EIF2D: variants seen among roughly 807,000 people sequenced by gnomAD.
EIF2D encodes eukaryotic translation initiation factor 2D.
Under a neutral mutation model 77.4 loss-of-function variants are expected in EIF2D, and 56 were observed. The ratio of observed to expected loss-of-function variants is 0.72; its 90% CI spans 0.58 to 0.90. The LOEUF (loss-of-function observed/expected upper bound fraction) is 0.90. Ranked by LOEUF, EIF2D falls within the 40% of genes least tolerant of loss-of-function variation. EIF2D has a pLI of 0.00. For missense variants in EIF2D, 574 were observed against 706.5 expected, an observed-to-expected ratio of 0.81 and a Z score of 2.13; for synonymous variants, 230 against 271.0, an observed-to-expected ratio of 0.85 and a Z score of 1.49.
chr1:206,597,925 ACAAGAG>A (rs2102283549), intron 11 of EIF2D, among the ~76,000 whole-genome samples: 1 of 152,346 alleles, frequency 6.6e-6, no homozygotes, highest in African/African-American at 2.4e-5. Context: ...AGCCTGGGCA[ACAAGAG>A]CAAAACTCTG....
intron 4 of EIF2D, 132 bp from the exon 5 acceptor site, chr1:206,605,639 A>C (rs909448401): frequency 8.5e-5 from 56 of 658,840 alleles, no homozygotes; most frequent in Non-Finnish European, 1.4e-4. Flanking sequence ...ATAAAACCAA[A>C]CTCAGTCCAC....
In EIF2D at chr1:206,593,780, C is replaced by T. The variant is rs782819581; in HGVS notation, c.1523G>A (p.Arg508Gln). The change falls in exon 14 of 15, where the codon CGG becomes CAG. Residue 508 changes from arginine (R) to glutamine (Q), a missense_variant. Coordinates refer to ENST00000271764, the MANE Select transcript of EIF2D (RefSeq NM_006893.3). Reference protein sequence around the residue: ...RASNKKVTVVRNLEAYGLDPY... With the variant: ...RASNKKVTVVQNLEAYGLDPY... ...GTCCAGACCATAGGCCTCCAAGTTCCGGACCACGGTCACCTGGGGGGACAG... is the reference window on the plus strand; with the variant it reads ...GTCCAGACCATAGGCCTCCAAGTTCTGGACCACGGTCACCTGGGGGGACAG... 2.1e-5 allele frequency: 34 copies of T among 1,600,220 alleles called. No individual in the cohort carries two copies. The highest frequency in any genetic ancestry group is 1.8e-4 in the Middle Eastern group (1 of 5,504).
intron 2 of EIF2D, chr1:206,585,349 C>A: frequency 7.4e-7 from 1 of 1,351,868 alleles, no homozygotes; most frequent in Non-Finnish European, 1.1e-6. Context: ...TGGGTGGGTG[C>A]AGGTGGGTGT....
At chr1:206,575,339 CAG>C (rs142954152) in intron 4 of EIF2D, among the ~76,000 whole-genome samples, 2,212 of 152,262 alleles carry the variant, frequency 0.015, 54 homozygotes, top group African/African-American at 0.051. Flanking sequence ...TTGCTGCTGA[CAG>C]ATTTGCTAAG....
Position 206,605,354 on chromosome 1 carries a change from C to T in EIF2D, c.530+46G>A, listed in dbSNP as rs782494900. 9 of 1,526,000 alleles carry T rather than the reference C, an allele frequency of 5.9e-6. No homozygotes were observed. In the African/African-American group the frequency reaches 1.2e-4, roughly 21 times the overall value. 94.5% of individuals were successfully genotyped at this position (1,526,000 alleles called of 1,614,324 possible). A position where few individuals can be genotyped will look rare whatever the true frequency, so the allele number is the denominator to read the frequency against. On this transcript the variant is annotated intron_variant, in intron 5 of 14. Coordinates refer to ENST00000271764, the MANE Select transcript of EIF2D (RefSeq NM_006893.3). ...CTGAATCACAGGCCCCATCCTCTCC[C>T]CAGCTGCCCCGGTTCTCTGTAAAAC...
Position 206,578,232 on chromosome 1 carries a change from AAGTGTGTGT to A in EIF2D, c.*254+2451_*254+2459del, listed in dbSNP as rs1310732607. Among the ~76,000 whole-genome samples, 95 of 130,516 alleles carry A rather than the reference AAGTGTGTGT, an allele frequency of 7.3e-4. 2 individuals are homozygous for A. In the East Asian group the frequency reaches 0.018, roughly 25 times the overall value. 85.6% of individuals were successfully genotyped at this position (130,516 alleles called of 152,430 possible). ...CAGAGGGAGACATCTCAAAAAAAAA[AAGTGTGTGT>A]GTGTGTGTGTGTGTGTGTGTGTAAG... On this transcript the variant is annotated intron_variant and NMD_transcript_variant, in intron 4 of 5. Transcript: ENST00000472709.
Position 206,599,377 on chromosome 1 carries a change from G to T in EIF2D, c.1202+86C>A. 3.3e-6 allele frequency: 5 copies of T among 1,526,922 alleles called. No individual in the cohort carries two copies. In the African/African-American group the frequency reaches 5.5e-5, roughly 17 times the overall value. The allele number at this position is 1,526,922 out of a possible 1,614,324, so 94.6% of individuals were successfully genotyped here. A position where few individuals can be genotyped will look rare whatever the true frequency, so the allele number is the denominator to read the frequency against. ...AACAGGGGCAGAGCAGGTTTTGCCAGTCGCAAAAGAGCACTACTCAGGTTG... is the reference window on the plus strand; with the variant it reads ...AACAGGGGCAGAGCAGGTTTTGCCATTCGCAAAAGAGCACTACTCAGGTTG... On this transcript the variant is annotated intron_variant, in intron 10 of 14. Transcript: ENST00000271764. This position sits in a 1 kb window ranked among gnomAD's most constrained non-coding sequence, Gnocchi z 4.1.
chr1:206,587,961 C>G (rs1358474907), downstream of EIF2D: 2 of 152,996 alleles, frequency 1.3e-5, no homozygotes, highest in Non-Finnish European at 2.9e-5. Context: ...CCTCCCTCCT[C>G]CCACTGCGAC....
chr1:206,581,924 G>A (rs1363800417), intron 2 of EIF2D, among the ~76,000 whole-genome samples: 1 of 150,224 alleles, frequency 6.7e-6, no homozygotes, highest in Non-Finnish European at 1.5e-5. Flanking sequence ...ATGTGACGTC[G>A]CGGCAGCTGT....
intron 3 of EIF2D, among the ~76,000 whole-genome samples, 193 bp from the exon 4 acceptor site, chr1:206,608,519 A>G (rs1250535076): frequency 6.6e-6 from 1 of 152,254 alleles, no homozygotes; most frequent in Non-Finnish European, 1.5e-5. Context: ...ATTCATAATA[A>G]AAATGAAAAA....
intron 4 of EIF2D, among the ~76,000 whole-genome samples, chr1:206,606,095 G>A (rs923537712): frequency 6.6e-6 from 1 of 152,200 alleles, no homozygotes; most frequent in African/African-American, 2.4e-5. Context: ...AGTAACTACA[G>A]AAACTTCCAA....
chr1:206,599,953 G>A lies in EIF2D; in HGVS notation c.949-117C>T. The A allele has an allele frequency of 1.0e-6, 1 of 999,486 alleles. No homozygotes were observed. Among genetic ancestry groups the A allele is most frequent in the Admixed American group, 2.4e-5 (1 of 41,666 alleles). 61.9% of individuals were successfully genotyped at this position (999,486 alleles called of 1,614,324 possible). A position where few individuals can be genotyped will look rare whatever the true frequency, so the allele number is the denominator to read the frequency against. On this transcript the variant is annotated intron_variant, in intron 8 of 14. Transcript: ENST00000271764. The surrounding 1 kb of genome is among the most constrained non-coding windows in gnomAD (Gnocchi z 4.1). ...TGTGCAGGGATATGAGACAGCCCCT[G>A]CCTTCATCAACCAGGAACTGGGAGG...
At chr1:206,609,291 C>T (rs1333710174) in intron 3 of EIF2D, 85 bp downstream of exon 3, 34 of 1,341,700 alleles carry the variant, frequency 2.5e-5, no homozygotes, top group Non-Finnish European at 3.3e-5. Context: ...CACAAAAACA[C>T]AGGAAATGGG....
downstream of EIF2D, chr1:206,586,779 T>C: frequency 1.3e-6 from 2 of 1,492,352 alleles, no homozygotes; most frequent in South Asian, 1.2e-5. Context: ...ACTTCTAACC[T>C]GTCTCCTATT....
At chr1:206,585,145 G>A (rs781905908) in intron 2 of EIF2D, 1 of 1,542,690 alleles carries the variant, frequency 6.5e-7, no homozygotes, top group Non-Finnish European at 8.9e-7. Context: ...CTTCTTTTCT[G>A]GGAAGAGCTC....
chr1:206,579,429 G>A lies in EIF2D; in HGVS notation c.*254+1263C>T, dbSNP rs1412070257. On this transcript the variant is annotated intron_variant and NMD_transcript_variant, in intron 4 of 5. Transcript: ENST00000472709. This position sits in a 1 kb window ranked among gnomAD's most constrained non-coding sequence, Gnocchi z 4.2. The stretch of plus-strand genomic sequence containing the variant: ...GGACAGATCCTTAAGAATCTGGCAG[G>A]TGAATAGGAATCAGAGTCTTTGTCT... 6.6e-6 allele frequency among the ~76,000 whole-genome samples: 1 copy of A among 152,212 alleles called. No homozygotes were observed.
intron 2 of EIF2D, among the ~76,000 whole-genome samples, chr1:206,582,815 C>T (rs1668946289): frequency 6.6e-6 from 1 of 152,210 alleles, no homozygotes. Flanking sequence ...GACGCCTGTC[C>T]CTCCAGCTGT....
At chr1:206,608,441 T>C (rs1670305927) in intron 3 of EIF2D, 115 bp from the exon 4 acceptor site, 10 of 769,594 alleles carry the variant, frequency 1.3e-5, no homozygotes, top group Admixed American at 1.1e-4. Context: ...ATCAACTATG[T>C]TTTTCATAAT....
Position 206,612,347 on chromosome 1 carries a change from G to A in EIF2D, c.-5C>T, listed in dbSNP as rs371813482. 2 of 1,614,268 alleles carry A rather than the reference G, an allele frequency of 1.2e-6. No homozygotes were observed. The highest frequency in any genetic ancestry group is 1.7e-6 in the Non-Finnish European group (2 of 1,180,042). On this transcript the variant is annotated 5_prime_UTR_variant, in exon 1 of 15. Coordinates refer to ENST00000271764, the MANE Select transcript of EIF2D (RefSeq NM_006893.3). ...CCGAAAGGCCTTGGCAAACATGTCT[G>A]CTGGGGTGGCCTGGGGAAGAGAGCA...
Sources: gnomAD v4.1 joint callset for allele counts (sites outside exome capture counted in the v4.1 genomes callset) on GRCh38, gnomAD v4.1.1 for gene constraint, Gnocchi (gnomAD v3.1) non-coding constraint, MANE v1.5 for transcripts, NCBI Gene and HGNC (gene_info 2026-07-23, HGNC 2026-07-21) for gene names.